Variants in ADCY9 observed in about 807,000 individuals in gnomAD.
The protein encoded by ADCY9 is adenylate cyclase 9.
ADCY9 carries 50 observed loss-of-function variants against 101.5 expected under a neutral mutation model. That is an observed-to-expected ratio of 0.49 (90% CI 0.39 to 0.62). The LOEUF is 0.62. Ranked by LOEUF, ADCY9 falls within the 20% of genes least tolerant of loss-of-function variation. The pLI is 0.00. For synonymous variants in ADCY9, 905 were observed against 769.3 expected (o/e 1.18, Z -2.92); for missense variants, 1,662 against 1,800.4 (o/e 0.92, Z 1.39).
chr16:4,058,776 G>C (rs561061586), intron 2 of ADCY9, among the ~76,000 whole-genome samples: 1 of 152,128 alleles, frequency 6.6e-6, no homozygotes, highest in Non-Finnish European at 1.5e-5. Context: ...AAATCCCTCC[G>C]TCTTAGAATT....
intron 2 of ADCY9, among the ~76,000 whole-genome samples, chr16:4,031,162 A>G (rs2056552662): frequency 6.6e-6 from 1 of 152,194 alleles, no homozygotes; most frequent in African/African-American, 2.4e-5. Flanking sequence ...AACATGAACT[A>G]TATATTTTAT....
intron 2 of ADCY9, among the ~76,000 whole-genome samples, chr16:4,092,020 G>A (rs913869551): frequency 2.6e-5 from 4 of 152,242 alleles, no homozygotes; most frequent in African/African-American, 4.8e-5. Flanking sequence ...TGTAATCCCA[G>A]CACTCCGGGA....
At chr16:4,108,020 C>CT (rs1407615803) in intron 2 of ADCY9, among the ~76,000 whole-genome samples, 1 of 152,158 alleles carries the variant, frequency 6.6e-6, no homozygotes, top group Non-Finnish European at 1.5e-5. Context: ...GGGAAAAAAG[C>CT]TTTTTTAATT....
chr16:3,961,747 C>T (rs559462434), downstream of ADCY9, among the ~76,000 whole-genome samples: 15 of 151,800 alleles, frequency 9.9e-5, no homozygotes, highest in African/African-American at 2.4e-4. Context: ...CTTACCAGGC[C>T]GGGCACAGTG....
At chr16:4,054,605 C>A (rs959037439) in intron 2 of ADCY9, among the ~76,000 whole-genome samples, 3 of 151,544 alleles carry the variant, frequency 2.0e-5, no homozygotes, top group African/African-American at 2.4e-5. Context: ...GACTCTCGCT[C>A]TGTCACCCAG....
rs1263632826 is a variant in ADCY9 at position 3,979,026 on chromosome 16, T to A, written c.2679+90A>T. On this transcript the variant is annotated intron_variant, in intron 8 of 10. Transcript: ENST00000294016. Reference sequence around the variant, plus strand: ...CACCATGCCTGGCCAAAGGGTTTATTTTTAAATTGCTATCCCAAGTGATTT... The same window carrying A: ...CACCATGCCTGGCCAAAGGGTTTATATTTAAATTGCTATCCCAAGTGATTT... 6 of 1,552,754 alleles carry A rather than the reference T, an allele frequency of 3.9e-6. No homozygotes were observed. The East Asian group carries it at 1.4e-4, about 35-fold the overall frequency.
chr16:4,095,874 G>C (rs1218986661), intron 2 of ADCY9, among the ~76,000 whole-genome samples: 1 of 151,462 alleles, frequency 6.6e-6, no homozygotes, highest in East Asian at 1.9e-4. Flanking sequence ...CTACTCGAGA[G>C]GCTGAGGCAC....
rs574563116 is a variant in ADCY9 at position 4,035,010 on chromosome 16, T to C, written c.1694-27452A>G. On this transcript the variant is annotated intron_variant, in intron 2 of 10. Transcript: ENST00000294016. ...CTGTAACTGCAGTCACCGCCTAGTT[T>C]AAGTTTATGACAACCTGCTGTCATT... 5.9e-5 allele frequency among the ~76,000 whole-genome samples: 9 copies of C among 151,678 alleles called. No homozygotes were observed. In the South Asian group the frequency reaches 1.9e-3, roughly 31 times the overall value.
At chr16:4,091,449 T>C (rs907561546) in intron 2 of ADCY9, among the ~76,000 whole-genome samples, 1 of 152,212 alleles carries the variant, frequency 6.6e-6, no homozygotes, top group Non-Finnish European at 1.5e-5. Context: ...AGCAACTCCA[T>C]GCCCAGGTAT....
chr16:3,984,498 G>A (rs989733909), intron 6 of ADCY9, among the ~76,000 whole-genome samples: 7 of 152,278 alleles, frequency 4.6e-5, no homozygotes, highest in Admixed American at 1.3e-4. Context: ...CTCCATTGAC[G>A]CTCACGGCAC....
At chr16:3,989,209 G>T (rs879386926) in intron 5 of ADCY9, 113 bp from the exon 6 acceptor site, 17 of 723,408 alleles carry the variant, frequency 2.3e-5, no homozygotes, top group Admixed American at 1.7e-4. Context: ...TACAACAGCT[G>T]CGTCTAAAAG....
chr16:3,965,656 G>T lies in ADCY9; in HGVS notation c.*119C>A. On this transcript the variant is annotated 3_prime_UTR_variant, in exon 11 of 11. Transcript: ENST00000294016. The stretch of plus-strand genomic sequence containing the variant: ...TCCACACAGAAGTTAGGGCTGAAAT[G>T]ACCACATAACACCACGTCCGGGGAG... The T allele has an allele frequency of 1.2e-6, 1 of 853,474 alleles. No homozygotes were observed. The highest frequency in any genetic ancestry group is 1.7e-5 in the South Asian group (1 of 57,700). 52.9% of individuals were successfully genotyped at this position (853,474 alleles called of 1,614,324 possible).
chr16:3,993,588 G>C (rs776495410), intron 3 of ADCY9, 78 bp from the exon 4 acceptor site: 118 of 1,550,872 alleles, frequency 7.6e-5, no homozygotes, highest in Non-Finnish European at 1.0e-4. Context: ...GTCCGCTGTT[G>C]CCATCTGCCG....
intron 2 of ADCY9, among the ~76,000 whole-genome samples, chr16:4,072,473 CG>C (rs2056840734): frequency 6.6e-6 from 1 of 152,176 alleles, no homozygotes; most frequent in Non-Finnish European, 1.5e-5. Context: ...CCCTTCCCTA[CG>C]GTATACAAGC....
At chr16:4,088,714 C>A (rs1490815256) in intron 2 of ADCY9, among the ~76,000 whole-genome samples, 3 of 152,054 alleles carry the variant, frequency 2.0e-5, no homozygotes, top group African/African-American at 7.2e-5. Flanking sequence ...TCTACAAAAT[C>A]TCTATGTCCA....
At chr16:4,097,501 C>CTA (rs1555445956) in intron 2 of ADCY9, among the ~76,000 whole-genome samples, 13 of 105,510 alleles carry the variant, frequency 1.2e-4, no homozygotes, top group East Asian at 8.3e-4. Flanking sequence ...CACACACACA[C>CTA]TATATATATG....
intron 5 of ADCY9, among the ~76,000 whole-genome samples, chr16:3,954,466 C>T (rs1597124967): frequency 6.6e-6 from 1 of 152,170 alleles, no homozygotes; most frequent in East Asian, 1.9e-4. Flanking sequence ...CCCAGAACTC[C>T]CAGCTCGCAG....
intron 3 of ADCY9, among the ~76,000 whole-genome samples, chr16:4,005,933 G>A (rs1248900168): frequency 6.6e-6 from 1 of 152,104 alleles, no homozygotes; most frequent in Non-Finnish European, 1.5e-5. Flanking sequence ...GCCCGGGTCC[G>A]CTGTCTAGGA....
intron 9 of ADCY9, among the ~76,000 whole-genome samples, chr16:3,975,818 C>T (rs2056088178): frequency 6.6e-6 from 1 of 152,128 alleles, no homozygotes; most frequent in Non-Finnish European, 1.5e-5. Flanking sequence ...AAATTTATTA[C>T]ATGAATGGAA....
Sources: gnomAD v4.1 joint callset for allele counts (sites outside exome capture counted in the v4.1 genomes callset) on GRCh38, gnomAD v4.1.1 for gene constraint, MANE v1.5 for transcripts, NCBI Gene and HGNC (gene_info 2026-07-23, HGNC 2026-07-21) for gene names.